CACNA1C: variants seen among roughly 807,000 people sequenced by gnomAD.
The protein encoded by CACNA1C is calcium voltage-gated channel subunit alpha1 C.
Under a neutral mutation model 229.0 loss-of-function variants are expected in CACNA1C, and 30 were observed. That is an observed-to-expected ratio of 0.13 (90% CI 0.10 to 0.18). The LOEUF is 0.18. CACNA1C is among the 10% of genes least tolerant of loss of function. CACNA1C has a pLI of 1.00. For missense variants in CACNA1C, 1,658 were observed against 2,845.0 expected, an observed-to-expected ratio of 0.58 and a Z score of 9.49; for synonymous variants, 1,114 against 1,132.5, an observed-to-expected ratio of 0.98 and a Z score of 0.33.
intron 5 of CACNA1C, among the ~76,000 whole-genome samples, chr12:2,458,124 G>A (rs1393927469): frequency 6.6e-6 from 1 of 152,152 alleles, no homozygotes; most frequent in Non-Finnish European, 1.5e-5. Flanking sequence ...AATCAGGAAA[G>A]CATCAGTGGA....
chr12:2,618,223 C>T (rs1472813281), intron 29 of CACNA1C, among the ~76,000 whole-genome samples: 4 of 152,204 alleles, frequency 2.6e-5, no homozygotes, highest in East Asian at 1.9e-4. Flanking sequence ...ACAACTCAGC[C>T]CCCAAGTCAA....
At chr12:2,284,580 G>T (rs1308826024) in intron 3 of CACNA1C, among the ~76,000 whole-genome samples, 2 of 152,140 alleles carry the variant, frequency 1.3e-5, no homozygotes, top group Non-Finnish European at 2.9e-5. Context: ...CCCAGGATCA[G>T]AATTAAAAAG....
chr12:2,688,270 T>C (rs964392905), intron 45 of CACNA1C, among the ~76,000 whole-genome samples, 177 bp from the exon 46 acceptor site: 4 of 152,212 alleles, frequency 2.6e-5, no homozygotes, highest in Admixed American at 2.6e-4. Flanking sequence ...TTTGAGATAG[T>C]TGAAAGTCAT....
At chr12:2,425,557 A>G (rs2099022022) in intron 3 of CACNA1C, among the ~76,000 whole-genome samples, 1 of 152,250 alleles carries the variant, frequency 6.6e-6, no homozygotes, top group Admixed American at 6.5e-5. Flanking sequence ...CTTATTGGCC[A>G]TTTGAGAAAA....
At chr12:2,088,817 A>AT (rs1017829660) in intron 1 of CACNA1C, among the ~76,000 whole-genome samples, 17 of 151,852 alleles carry the variant, frequency 1.1e-4, no homozygotes, top group African/African-American at 3.9e-4. Context: ...GGGGAAAGCA[A>AT]TTTTTCAGTT....
chr12:2,600,777 C>T (rs2071643530), intron 21 of CACNA1C, among the ~76,000 whole-genome samples: 1 of 152,190 alleles, frequency 6.6e-6, no homozygotes, highest in Non-Finnish European at 1.5e-5. Flanking sequence ...GGATAGTTTC[C>T]TCACCTTTTG....
intron 1 of CACNA1C, among the ~76,000 whole-genome samples, chr12:1,974,978 T>C (rs1460853485): frequency 1.3e-5 from 2 of 152,274 alleles, no homozygotes; most frequent in East Asian, 3.9e-4. Context: ...GATGATTTAA[T>C]TGAGTGTTTA....
rs895476706 is a variant in CACNA1C, at chr12:2,179,111, C to T, written c.477+58681C>T. On this transcript the variant is annotated intron_variant, in intron 3 of 46. Coordinates refer to ENST00000399655, the MANE Select transcript of CACNA1C (RefSeq NM_000719.7). ...TTAAAAGAGGAGATAGATGTGATGG[C>T]GGTCTTTTCTGTACTTAGAACAACC... 3.3e-5 allele frequency among the ~76,000 whole-genome samples: 5 copies of T among 152,216 alleles called. 1 individual carries two copies. The South Asian group carries it at 8.3e-4, about 25-fold the overall frequency.
intron 3 of CACNA1C, among the ~76,000 whole-genome samples, chr12:2,359,173 C>T (rs2097483766): frequency 6.6e-6 from 1 of 152,230 alleles, no homozygotes; most frequent in African/African-American, 2.4e-5. Context: ...CCATCTCCTA[C>T]ACTCCTTCCC....
chr12:2,557,521 A>C (rs2045082527), intron 11 of CACNA1C, among the ~76,000 whole-genome samples: 1 of 152,150 alleles, frequency 6.6e-6, no homozygotes, highest in Non-Finnish European at 1.5e-5. Context: ...AACTTCTTGC[A>C]GTTATCCAAA....
intron 1 of CACNA1C, among the ~76,000 whole-genome samples, chr12:2,056,391 C>T (rs913207591): frequency 1.6e-4 from 25 of 152,182 alleles, no homozygotes; most frequent in African/African-American, 5.8e-4. Context: ...CTGTGCCAGC[C>T]TCCCACTTTT....
Position 2,144,469 on chromosome 12 carries a change from T to G in CACNA1C, c.477+24039T>G, listed in dbSNP as rs1029420089. On this transcript the variant is annotated intron_variant, in intron 3 of 46. Transcript: ENST00000399655. ...ACAATTACCTATCGAGCACCTATCA[T>G]GTATGAGACACAGCAGTGCTTAAAA... is the stretch of plus-strand genomic sequence containing the variant. 4.6e-5 allele frequency among the ~76,000 whole-genome samples: 7 copies of G among 151,400 alleles called. No homozygotes were observed. In the Admixed American group the frequency reaches 4.6e-4, roughly 10 times the overall value.
At chr12:2,513,984 T>C (rs369359707) in intron 9 of CACNA1C, among the ~76,000 whole-genome samples, 8 of 152,234 alleles carry the variant, frequency 5.3e-5, no homozygotes, top group Admixed American at 1.3e-4. Context: ...GTGTGTGATA[T>C]CTTTCTCTTT....
intron 1 of CACNA1C, among the ~76,000 whole-genome samples, chr12:2,066,014 GGA>G (rs2059141665): frequency 6.6e-6 from 1 of 152,120 alleles, no homozygotes; most frequent in Non-Finnish European, 1.5e-5. Flanking sequence ...GTGTTTGAGT[GGA>G]GAGAGGGTAT....
intron 1 of CACNA1C, among the ~76,000 whole-genome samples, chr12:2,030,005 T>C (rs931817131): frequency 3.9e-5 from 6 of 152,238 alleles, no homozygotes; most frequent in African/African-American, 1.4e-4. Context: ...CTATCTCTTA[T>C]CAGCACCTTT....
chr12:2,087,522 A>G (rs1411927457), intron 1 of CACNA1C, among the ~76,000 whole-genome samples: 2 of 152,236 alleles, frequency 1.3e-5, no homozygotes, highest in Non-Finnish European at 2.9e-5. Context: ...ACGTATATGT[A>G]GAAAAATTGC....
chr12:2,574,519 A>G (rs556410206), intron 13 of CACNA1C, among the ~76,000 whole-genome samples: 1 of 152,268 alleles, frequency 6.6e-6, no homozygotes, highest in African/African-American at 2.4e-5. Context: ...CCTCCCCTGC[A>G]GCTCCCTTCC....
rs928748972 is a variant in CACNA1C at position 2,346,385 on chromosome 12, T to C, written c.478-102591T>C. Among the ~76,000 whole-genome samples the C allele has an allele frequency of 6.6e-6, 1 of 152,198 alleles. No homozygotes were observed. Among genetic ancestry groups the C allele is most frequent in the African/African-American group, 2.4e-5 (1 of 41,442 alleles). Reference sequence around the variant, plus strand: ...GTTTGTGTGTTTGTGTGTCTATGTCTGTGTTTGGGCAAGACTGTGTTCCAC... The same window carrying C: ...GTTTGTGTGTTTGTGTGTCTATGTCCGTGTTTGGGCAAGACTGTGTTCCAC... On this transcript the variant is annotated intron_variant, in intron 3 of 46. Transcript: ENST00000399655. This position sits in a 1 kb window ranked among gnomAD's most constrained non-coding sequence, Gnocchi z 4.4.
chr12:2,394,109 CAAAA>C (rs60498219), intron 3 of CACNA1C, among the ~76,000 whole-genome samples: 2 of 113,262 alleles, frequency 1.8e-5, no homozygotes, highest in African/African-American at 3.3e-5. Flanking sequence ...TGTCTCTAAA[CAAAA>C]AAAAAAAAAA....
Sources: gnomAD v4.1 joint callset for allele counts (sites outside exome capture counted in the v4.1 genomes callset) on GRCh38, gnomAD v4.1.1 for gene constraint, Gnocchi (gnomAD v3.1) non-coding constraint, MANE v1.5 for transcripts, NCBI Gene and HGNC (gene_info 2026-07-23, HGNC 2026-07-21) for gene names.